SLC39A11: variants seen among roughly 807,000 people sequenced by gnomAD.
SLC39A11 encodes solute carrier family 39 member 11.
In SLC39A11, 33 loss-of-function variants were observed where a neutral mutation model predicts 36.1. That is an observed-to-expected ratio of 0.91 (90% CI 0.69 to 1.22). SLC39A11 has a LOEUF of 1.22. SLC39A11 is among the 50% of genes most tolerant of loss of function. SLC39A11 has a pLI of 0.00. For missense variants in SLC39A11, 432 were observed against 430.3 expected (o/e 1.00, Z -0.03); for synonymous variants, 166 against 170.3 (o/e 0.97, Z 0.20).
chr17:72,701,545 T>C (rs1161624738), intron 7 of SLC39A11, among the ~76,000 whole-genome samples: 2 of 151,850 alleles, frequency 1.3e-5, no homozygotes, highest in South Asian at 4.2e-4. Flanking sequence ...CTGGCCAACA[T>C]GGTGAAACCC....
chr17:72,844,560 T>A (rs1026691535), intron 6 of SLC39A11, among the ~76,000 whole-genome samples: 1 of 152,040 alleles, frequency 6.6e-6, no homozygotes, highest in Non-Finnish European at 1.5e-5. Flanking sequence ...TCCCAACCAC[T>A]TGAGAGGCCG....
At chr17:72,918,838 A>G (rs1051949372) in intron 5 of SLC39A11, among the ~76,000 whole-genome samples, 4 of 152,106 alleles carry the variant, frequency 2.6e-5, no homozygotes, top group Admixed American at 1.3e-4. Flanking sequence ...TGAGGTGGGT[A>G]GATCACTTGA....
At position 72,687,258 on chromosome 17, in the gene SLC39A11, G is replaced by A. The variant is rs1277129606; in HGVS notation, c.672-37990C>T. Among the ~76,000 whole-genome samples, 3 of 151,838 alleles carry A rather than the reference G, an allele frequency of 2.0e-5. No individual in the cohort carries two copies. In the East Asian group the frequency reaches 5.8e-4, roughly 29 times the overall value. On this transcript the variant is annotated intron_variant, in intron 7 of 9. Transcript: ENST00000255559. ...GTTGCCCAGGCTGGCAAACTCTTGG[G>A]TAGGAGCATTTTTTTTTTAGACAGT... is the stretch of plus-strand genomic sequence containing the variant.
At chr17:72,903,348 A>G (rs2146971910) in intron 5 of SLC39A11, among the ~76,000 whole-genome samples, 2 of 152,074 alleles carry the variant, frequency 1.3e-5, no homozygotes, top group Admixed American at 1.3e-4. Flanking sequence ...TTCTTCTTGG[A>G]TGGATCTTCA....
At chr17:72,886,077 G>A (rs1167661900) in intron 5 of SLC39A11, among the ~76,000 whole-genome samples, 1 of 152,082 alleles carries the variant, frequency 6.6e-6, no homozygotes, top group Non-Finnish European at 1.5e-5. Flanking sequence ...TTCTCCCCCA[G>A]TATTCCTGCA....
At position 72,647,491 on chromosome 17, in the gene SLC39A11, T is replaced by A; in HGVS notation, c.*93A>T. 9.7e-7 allele frequency: 1 copy of A among 1,028,174 alleles called. No individual in the cohort carries two copies. Among genetic ancestry groups the A allele is most frequent in the East Asian group, 2.6e-5 (1 of 38,136 alleles). 63.7% of individuals were successfully genotyped at this position (1,028,174 alleles called of 1,614,324 possible). On this transcript the variant is annotated 3_prime_UTR_variant, in exon 10 of 10. Coordinates refer to ENST00000255559, the MANE Select transcript of SLC39A11 (RefSeq NM_139177.4). ...ATGAAGAAGAGAGGAAGGAAAAAAG[T>A]TTTAATGTGAAGAAAGAAGCTTGTT...
At position 72,867,307 on chromosome 17, in the gene SLC39A11, C is replaced by A. The variant is rs146725488; in HGVS notation, c.431-17503G>T. 3.3e-5 allele frequency among the ~76,000 whole-genome samples: 5 copies of A among 152,206 alleles called. No individual in the cohort carries two copies. The East Asian group carries it at 9.7e-4, about 29-fold the overall frequency. On this transcript the variant is annotated intron_variant, in intron 5 of 9. Coordinates refer to ENST00000255559, the MANE Select transcript of SLC39A11 (RefSeq NM_139177.4). ...TTGGGGTCAGGAGTTCGAGGCCAGC[C>A]TGGACAACATGGTGAAACCCCGTCT...
chr17:72,828,502 C>CTGTG, intron 6 of SLC39A11, among the ~76,000 whole-genome samples: 2 of 152,182 alleles, frequency 1.3e-5, no homozygotes, highest in Admixed American at 1.3e-4. Context: ...GGGTATTTGT[C>CTGTG]TCAAGCACAC....
intron 6 of SLC39A11, among the ~76,000 whole-genome samples, chr17:72,738,662 G>A (rs375543264): frequency 5.9e-4 from 90 of 152,292 alleles, no homozygotes; most frequent in African/African-American, 1.8e-3. Context: ...GATTCCCCTC[G>A]ATCCAAACAC....
At chr17:72,764,833 A>G (rs1258816844) in intron 6 of SLC39A11, among the ~76,000 whole-genome samples, 1 of 152,204 alleles carries the variant, frequency 6.6e-6, no homozygotes, top group East Asian at 1.9e-4. Context: ...CCAAAAACCA[A>G]CCACAAAAAG....
intron 6 of SLC39A11, among the ~76,000 whole-genome samples, chr17:72,796,056 A>G (rs114999124): frequency 0.017 from 2,603 of 152,226 alleles, 109 homozygotes; most frequent in African/African-American, 0.059. Context: ...TAAGATAATG[A>G]AATACAAATT....
At chr17:72,867,987 G>C (rs761291688) in intron 5 of SLC39A11, among the ~76,000 whole-genome samples, 4 of 152,162 alleles carry the variant, frequency 2.6e-5, no homozygotes, top group Admixed American at 1.3e-4. Flanking sequence ...CCTCTAACTA[G>C]GGATTTTCCA....
chr17:72,955,298 C>CTTTTTTTTTTTTTTTTTTTTTTT lies in SLC39A11; in HGVS notation c.307-7424_307-7423insAAAAAAAAAAAAAAAAAAAAAAA, dbSNP rs71359751. Among the ~76,000 whole-genome samples, 29 of 65,578 alleles carry CTTTTTTTTTTTTTTTTTTTTTTT rather than the reference C, an allele frequency of 4.4e-4. 1 individual carries two copies. The highest frequency in any genetic ancestry group is 1.3e-3 in the East Asian group (2 of 1,504). 43.0% of individuals were successfully genotyped at this position (65,578 alleles called of 152,430 possible). A position where few individuals can be genotyped will look rare whatever the true frequency, so the allele number is the denominator to read the frequency against. On this transcript the variant is annotated intron_variant, in intron 4 of 9. Coordinates refer to ENST00000255559, the MANE Select transcript of SLC39A11 (RefSeq NM_139177.4). ...GAATAGGCTTTAACTTTTCAGTTCT[C>CTTTTTTTTTTTTTTTTTTTTTTT]TTTTTTTTTTTTTTTTTTTTGTTTG... is the stretch of plus-strand genomic sequence containing the variant.
intron 4 of SLC39A11, among the ~76,000 whole-genome samples, chr17:72,948,478 C>T (rs539350133): frequency 3.9e-4 from 59 of 152,208 alleles, no homozygotes; most frequent in South Asian, 1.2e-3. Context: ...GGCAGGTTCA[C>T]GTGAATGGCA....
intron 5 of SLC39A11, among the ~76,000 whole-genome samples, chr17:72,869,950 G>A (rs2080519557): frequency 6.6e-6 from 1 of 151,764 alleles, no homozygotes; most frequent in Non-Finnish European, 1.5e-5. Flanking sequence ...TAATACCAGG[G>A]CATATGTCCT....
chr17:73,038,644 T>C (rs2059003668), intron 3 of SLC39A11, among the ~76,000 whole-genome samples: 1 of 150,828 alleles, frequency 6.6e-6, no homozygotes, highest in South Asian at 2.1e-4. Flanking sequence ...GAGGCAGAGA[T>C]TGCAGTGAGC....
Position 72,648,896 on chromosome 17 carries a change from A to G in SLC39A11, c.836T>C (p.Leu279Pro). ...AGCGTAGGGCAGGATGGGCTCAGCC[A>G]GCACCACGGCAAAGGCACCAAAGAC... ...AGVFGAFAVVLAEPILPYALA... is the reference protein window; with the variant it reads ...AGVFGAFAVVPAEPILPYALA... Residue 279 changes from leucine to proline, a missense_variant, in exon 9 of 10, where the codon CTG (leucine) becomes CCG (proline). Physicochemically the swap from Leu to Pro is moderately conservative, Grantham distance 98 (BLOSUM62 -3). Coordinates refer to ENST00000255559, the MANE Select transcript of SLC39A11 (RefSeq NM_139177.4). 3 of 1,614,124 alleles carry G rather than the reference A, an allele frequency of 1.9e-6. No individual in the cohort carries two copies. The South Asian group carries it at 3.3e-5, about 18-fold the overall frequency.
intron 6 of SLC39A11, among the ~76,000 whole-genome samples, chr17:72,779,957 A>T (rs528674556): frequency 2.0e-4 from 30 of 152,208 alleles, no homozygotes; most frequent in African/African-American, 7.2e-4. Flanking sequence ...TTCTACTCTC[A>T]AAGTCTTGGC....
intron 5 of SLC39A11, 52 bp from the exon 6 acceptor site, chr17:72,849,856 T>C (rs768700741): frequency 2.7e-6 from 4 of 1,460,166 alleles, no homozygotes; most frequent in African/African-American, 2.9e-5. Context: ...GCTTTGAACA[T>C]GTGCACGTTA....
Sources: allele counts gnomAD v4.1 joint callset (sites outside exome capture counted in the v4.1 genomes callset), GRCh38; gene constraint gnomAD v4.1.1; transcripts MANE v1.5; gene names NCBI Gene and HGNC (gene_info 2026-07-23, HGNC 2026-07-21).